The following SPDEF variants were observed in gnomAD, a reference collection of about 807,000 sequenced individuals.
SPDEF encodes the protein SAM pointed domain-containing Ets transcription factor.
A neutral mutation model predicts 36.0 loss-of-function variants in SPDEF; 12 were observed. The observed-to-expected ratio is 0.33, with a 90% CI of 0.21 to 0.54. The LOEUF (loss-of-function observed/expected upper bound fraction) is 0.54, where lower values mean the gene tolerates loss of function less well. SPDEF is among the 20% of genes least tolerant of loss of function. The pLI is 0.93. For missense variants in SPDEF, 388 were observed against 456.9 expected (o/e 0.85, Z 1.37); for synonymous variants, 205 against 193.0 (o/e 1.06, Z -0.51).
chr6:34,542,920 G>A (rs1015034957), intron 2 of SPDEF, among the ~76,000 whole-genome samples: 4 of 149,650 alleles, frequency 2.7e-5, no homozygotes, highest in African/African-American at 7.4e-5. Context: ...GAGGCTGGGC[G>A]CGGTGGCTCA....
Position 34,538,409 on chromosome 6 carries a change from C to G in SPDEF, c.873G>C (p.Trp291Cys), listed in dbSNP as rs1767741104. ...TGGCGGGACGGTTCTTGCGGATGCC[C>G]CACAGCCGGGCCACCTGGGCTGAGT... ...IEDSAQVARL[W>C]GIRKNRPAMN... is the part of the protein sequence containing the mutation. The change falls in exon 6 of 6, where the codon TGG (tryptophan) becomes TGC (cysteine). Residue 291 changes from tryptophan (W) to cysteine (C), a missense_variant. Trp to Cys is a radical substitution (Grantham distance 215). Coordinates refer to ENST00000374037, the MANE Select transcript of SPDEF (RefSeq NM_012391.3). This position sits in a 1 kb window ranked among gnomAD's most constrained non-coding sequence, Gnocchi z 5.9. 1 of 1,613,950 alleles carries G rather than the reference C, an allele frequency of 6.2e-7. No individual in the cohort carries two copies. Among genetic ancestry groups the G allele is most frequent in the Non-Finnish European group, 8.5e-7 (1 of 1,179,898 alleles).
At chr6:34,550,584 C>T (rs994574257) in intron 1 of SPDEF, among the ~76,000 whole-genome samples, 50 of 152,198 alleles carry the variant, frequency 3.3e-4, no homozygotes, top group African/African-American at 1.2e-3. Context: ...TCTAGATCTC[C>T]GGGCTTTCCC....
At chr6:34,554,204 G>A (rs1486593527) in intron 1 of SPDEF, among the ~76,000 whole-genome samples, 3 of 152,160 alleles carry the variant, frequency 2.0e-5, no homozygotes, top group Non-Finnish European at 4.4e-5. Context: ...TTATACTCAG[G>A]CTGCAACAAG....
At position 34,544,420 on chromosome 6, in the gene SPDEF, G is replaced by T. The variant is rs762065875; in HGVS notation, c.36C>A (p.Ser12=). 5.7e-6 allele frequency: 9 copies of T among 1,583,070 alleles called. No individual in the cohort carries two copies. Among genetic ancestry groups the T allele is most frequent in the Admixed American group, 5.1e-5 (3 of 58,328 alleles). The part of the protein sequence containing the change: ...GSASPGLSSV[S]PSHLLLPPDT... ...CGGGGGGCAGCAGGAGGTGGCTGGG[G>T]GATACGCTGCTCAGACCCGGGCTGG... Residue 12 remains serine, a synonymous_variant, in exon 2 of 6, where the codon TCC becomes TCA. Coordinates refer to ENST00000374037, the MANE Select transcript of SPDEF (RefSeq NM_012391.3). This position sits in a 1 kb window ranked among gnomAD's most constrained non-coding sequence, Gnocchi z 4.4.
rs1026406464 is a variant in SPDEF at position 34,544,276 on chromosome 6, G to A, written c.180C>T (p.Leu60=). 1.2e-6 allele frequency: 2 copies of A among 1,613,440 alleles called. No individual in the cohort carries two copies. Among genetic ancestry groups the A allele is most frequent in the African/African-American group, 2.7e-5 (2 of 74,948 alleles). Reference sequence around the variant, plus strand: ...CAGGGTACAGCATGTCAAAGTAGGAGAGGTAGAAGGCGGACAGGCCCTGCT... The same window carrying A: ...CAGGGTACAGCATGTCAAAGTAGGAAAGGTAGAAGGCGGACAGGCCCTGCT... ...TPEQGLSAFY[L]SYFDMLYPED... The change falls in exon 2 of 6, where the codon CTC becomes CTT. Residue 60 remains leucine, a synonymous_variant. Transcript: ENST00000374037. This position sits in a 1 kb window ranked among gnomAD's most constrained non-coding sequence, Gnocchi z 4.4.
chr6:34,551,881 C>T (rs73407802), intron 1 of SPDEF, among the ~76,000 whole-genome samples: 2,093 of 152,256 alleles, frequency 0.014, 48 homozygotes, highest in African/African-American at 0.047. Context: ...GTCATGCTGA[C>T]GGGGCGGGGA....
chr6:34,538,337 C>T lies in SPDEF; in HGVS notation c.945G>A (p.Lys315=). The T allele has an allele frequency of 1.2e-6, 2 of 1,614,160 alleles. No individual in the cohort carries two copies. The highest frequency in any genetic ancestry group is 1.1e-5 in the South Asian group (1 of 91,082). Residue 315 remains lysine (K), a synonymous_variant, in exon 6 of 6, where the codon AAG becomes AAA. Transcript: ENST00000374037. This position sits in a 1 kb window ranked among gnomAD's most constrained non-coding sequence, Gnocchi z 5.9. ...LSRSIRQYYK[K]GIIRKPDISQ... ...AGATGTCTGGCTTCCGGATGATGCC[C>T]TTCTTGTAATACTGGCGGATGGAGC... is the stretch of plus-strand genomic sequence containing the variant.
intron 1 of SPDEF, among the ~76,000 whole-genome samples, chr6:34,546,329 A>C (rs1767953282): frequency 1.3e-5 from 2 of 152,142 alleles, no homozygotes; most frequent in South Asian, 4.1e-4. Flanking sequence ...AAAGCACTGA[A>C]ATCCTCTCTA....
chr6:34,549,710 C>T (rs1308915260), intron 1 of SPDEF, among the ~76,000 whole-genome samples: 2 of 152,206 alleles, frequency 1.3e-5, no homozygotes, highest in Non-Finnish European at 2.9e-5. Flanking sequence ...CTCACCCCTA[C>T]CTCAATCCTG....
rs749697437 is a variant in SPDEF at position 34,544,334 on chromosome 6, C to G, written c.122G>C (p.Arg41Pro). 2 of 1,607,934 alleles carry G rather than the reference C, an allele frequency of 1.2e-6. No individual in the cohort carries two copies. Among genetic ancestry groups the G allele is most frequent in the Admixed American group, 3.3e-5 (2 of 59,984 alleles). Residue 41 changes from arginine to proline, a missense_variant, in exon 2 of 6, where the codon CGG becomes CCG. Arg to Pro is a moderately radical substitution (Grantham distance 103). Transcript: ENST00000374037. This position sits in a 1 kb window ranked among gnomAD's most constrained non-coding sequence, Gnocchi z 4.4. ...GGCGGGTGGACTGGGACTCCAGTCC[C>G]GTCTCTCGAGACCCACTGCCCCCGC... ...AAAGAVGLER[R>P]DWSPSPPATP... is the part of the protein sequence containing the mutation.
intron 1 of SPDEF, among the ~76,000 whole-genome samples, chr6:34,548,322 G>A (rs1441760406): frequency 6.6e-6 from 1 of 152,118 alleles, no homozygotes; most frequent in Admixed American, 6.5e-5. Flanking sequence ...CTTCCTAGGG[G>A]ATCTGCCCAC....
Position 34,541,086 on chromosome 6 carries a change from G to T in SPDEF, c.532C>A (p.Leu178Met). 1 of 1,611,702 alleles carries T rather than the reference G, an allele frequency of 6.2e-7. No individual in the cohort carries two copies. Among genetic ancestry groups the T allele is most frequent in the Non-Finnish European group, 8.5e-7 (1 of 1,179,296 alleles). Residue 178 changes from leucine (L) to methionine (M), a missense_variant, in exon 3 of 6, where the codon CTG becomes ATG. Leu to Met is a conservative substitution (Grantham distance 15). Transcript: ENST00000374037. ...LPPMGKAFQE[L>M]AGKELCAMSE... The stretch of plus-strand genomic sequence containing the variant: ...ATGGCGCACAGCTCCTTGCCCGCCA[G>T]CTCCTGGAAGGCCTTGCCCATGGGG...
intron 2 of SPDEF, among the ~76,000 whole-genome samples, chr6:34,541,645 G>A (rs1279496606): frequency 6.6e-6 from 1 of 152,214 alleles, no homozygotes; most frequent in East Asian, 1.9e-4. Flanking sequence ...TCCAGCCCCT[G>A]TATCTTACAG....
chr6:34,538,177 G>A lies in SPDEF; in HGVS notation c.*97C>T, dbSNP rs556897077. ...GGCTCTGGAAGGTCAGAGCAGCAGA[G>A]CAGACTGCCCGTTTTCCCCCATCTC... On this transcript the variant is annotated 3_prime_UTR_variant, in exon 6 of 6. Transcript: ENST00000374037. The surrounding 1 kb of genome is among the most constrained non-coding windows in gnomAD (Gnocchi z 5.9). 1.2e-3 allele frequency: 1,661 copies of A among 1,357,114 alleles called. 1 individual carries two copies. The highest frequency in any genetic ancestry group is 1.6e-3 in the Non-Finnish European group (1,533 of 977,734). 84.1% of individuals were successfully genotyped at this position (1,357,114 alleles called of 1,614,324 possible). A position where few individuals can be genotyped will look rare whatever the true frequency, so the allele number is the denominator to read the frequency against.
Position 34,541,159 on chromosome 6 carries a change from G to A in SPDEF, c.459C>T (p.Ser153=), listed in dbSNP as rs752115907. ...ITADPMDWSP[S]NVQKWLLWTE... is the part of the protein sequence containing the mutation. ...TCCACAGGAGCCACTTCTGCACATT[G>A]CTGGGGCTCCAGTCCATGGGATCTG... The change falls in exon 3 of 6, where the codon AGC becomes AGT. Residue 153 remains serine (S), a synonymous_variant. Coordinates refer to ENST00000374037, the MANE Select transcript of SPDEF (RefSeq NM_012391.3). 2.5e-6 allele frequency: 4 copies of A among 1,605,860 alleles called. No individual in the cohort carries two copies. The Admixed American group carries it at 5.1e-5, about 20-fold the overall frequency.
intron 1 of SPDEF, among the ~76,000 whole-genome samples, chr6:34,547,323 T>C (rs1186384240): frequency 6.6e-6 from 1 of 152,016 alleles, no homozygotes; most frequent in East Asian, 1.9e-4. Flanking sequence ...ATTTGCTGAG[T>C]GCATGTGAAG....
chr6:34,554,301 G>A (rs1201260104), intron 1 of SPDEF, among the ~76,000 whole-genome samples: 2 of 152,204 alleles, frequency 1.3e-5, no homozygotes, highest in East Asian at 1.9e-4. Flanking sequence ...GGGTTCTCCC[G>A]GTTTTTGCAC....
At chr6:34,551,248 G>C (rs1768055675) in intron 1 of SPDEF, among the ~76,000 whole-genome samples, 1 of 152,216 alleles carries the variant, frequency 6.6e-6, no homozygotes, top group South Asian at 2.1e-4. Context: ...CCCCACAGCA[G>C]TTGCCTTAGT....
In SPDEF at chr6:34,541,096, G is replaced by A. The variant is rs140414325; in HGVS notation, c.522C>T (p.Ala174=). Residue 174 remains alanine, a synonymous_variant, in exon 3 of 6, where the codon GCC becomes GCT. Transcript: ENST00000374037. ...GCTCCTTGCCCGCCAGCTCCTGGAA[G>A]GCCTTGCCCATGGGGGGCAGCCGGT... ...HQYRLPPMGK[A]FQELAGKELC... 81 of 1,611,356 alleles carry A rather than the reference G, an allele frequency of 5.0e-5. No individual in the cohort carries two copies. The highest frequency in any genetic ancestry group is 6.4e-5 in the Non-Finnish European group (76 of 1,179,240).
Sources: allele counts gnomAD v4.1 joint callset (sites outside exome capture counted in the v4.1 genomes callset), GRCh38; gene constraint gnomAD v4.1.1; non-coding constraint Gnocchi (gnomAD v3.1); transcripts MANE v1.5; gene names NCBI Gene and HGNC (gene_info 2026-07-23, HGNC 2026-07-21).